APPL1: variants seen among roughly 807,000 people sequenced by gnomAD.
APPL1 encodes adaptor protein, phosphotyrosine interacting with PH domain and leucine zipper 1, also known as DCC-interacting protein 13-alpha.
In APPL1, 42 loss-of-function variants were observed where a neutral mutation model predicts 106.8. That is an observed-to-expected ratio of 0.39 (90% CI 0.31 to 0.51). The LOEUF (loss-of-function observed/expected upper bound fraction) is 0.51, where lower values mean the gene tolerates loss of function less well. Ranked by LOEUF, APPL1 falls within the 20% of genes least tolerant of loss-of-function variation. The pLI is 0.75. For synonymous variants in APPL1, 263 were observed against 281.8 expected (o/e 0.93, Z 0.67); for missense variants, 769 against 858.2 (o/e 0.90, Z 1.30).
Position 57,234,699 on chromosome 3 carries a change from A to G in APPL1, c.55-867A>G, listed in dbSNP as rs1433021173. On this transcript the variant is annotated intron_variant, in intron 1 of 21. Transcript: ENST00000288266. ...CAGAGTCTTGCTTTGTCGCCCGCCC[A>G]GGCTGAAGTGCAGTGGCGTGATCTC... Among the ~76,000 whole-genome samples, 3 of 151,948 alleles carry G rather than the reference A, an allele frequency of 2.0e-5. No homozygotes were observed. The East Asian group carries it at 5.8e-4, about 29-fold the overall frequency.
rs754924988 is a variant in APPL1 at position 57,272,506 on chromosome 3, T to G, written c.*2819T>G. ...GCATTTGAGTTAATTTTGCATTATATCTAGGAACCATATTATTTAAAATTT... is the reference window on the plus strand; with the variant it reads ...GCATTTGAGTTAATTTTGCATTATAGCTAGGAACCATATTATTTAAAATTT... On this transcript the variant is annotated 3_prime_UTR_variant, in exon 22 of 22. Transcript: ENST00000288266. The G allele has an allele frequency of 6.6e-6, 1 of 152,316 alleles. No individual in the cohort carries two copies. Among genetic ancestry groups the G allele is most frequent in the East Asian group, 1.9e-4 (1 of 5,186 alleles). The allele number at this position is 152,316 out of a possible 1,614,324, so 9.4% of individuals were successfully genotyped here. A position where few individuals can be genotyped will look rare whatever the true frequency, so the allele number is the denominator to read the frequency against.
At chr3:57,262,476 T>TC (rs1449109158) in intron 19 of APPL1, among the ~76,000 whole-genome samples, 2 of 97,956 alleles carry the variant, frequency 2.0e-5, no homozygotes, top group Non-Finnish European at 3.8e-5. Context: ...CACCGTAACC[T>TC]CCACCTCCTG....
rs1225401343 is a variant in APPL1 at position 57,273,093 on chromosome 3, C to A, written c.*3406C>A. The A allele has an allele frequency of 2.0e-5, 3 of 152,586 alleles. No individual in the cohort carries two copies. Among genetic ancestry groups the A allele is most frequent in the Non-Finnish European group, 4.4e-5 (3 of 68,032 alleles). The allele number at this position is 152,586 out of a possible 1,614,324, so 9.5% of individuals were successfully genotyped here. On this transcript the variant is annotated 3_prime_UTR_variant, in exon 22 of 22. Transcript: ENST00000288266. ...GATTTGAAACTGGAACTATATTATA[C>A]TTTTTAACCAATCTCTGTGGCTTCA...
chr3:57,244,673 T>G (rs1310960495), intron 7 of APPL1, among the ~76,000 whole-genome samples: 2 of 152,188 alleles, frequency 1.3e-5, no homozygotes, highest in Non-Finnish European at 2.9e-5. Flanking sequence ...ACCAGATTAC[T>G]ATATTAATGA....
Position 57,252,276 on chromosome 3 carries a change from A to G in APPL1, c.1060A>G (p.Ile354Val), listed in dbSNP as rs371514647. ...ITSFDGKKSSILQAESKKDHE... is the reference protein window; with the variant it reads ...ITSFDGKKSSVLQAESKKDHE... ...ACGTCTCTTCTCTTCCAGATCTTCAATTTTGCAAGCAGAGAGTAAAAAAGA... is the reference window on the plus strand; with the variant it reads ...ACGTCTCTTCTCTTCCAGATCTTCAGTTTTGCAAGCAGAGAGTAAAAAAGA... The change falls in exon 12 of 22, where the codon ATT becomes GTT. Residue 354 changes from isoleucine (I) to valine (V), a missense_variant. Physicochemically the swap from Ile to Val is conservative, Grantham distance 29. Coordinates refer to ENST00000288266, the MANE Select transcript of APPL1 (RefSeq NM_012096.3). 3.7e-5 allele frequency: 60 copies of G among 1,609,338 alleles called. No homozygotes were observed. Among genetic ancestry groups the G allele is most frequent in the African/African-American group, 4.0e-5 (3 of 74,752 alleles).
chr3:57,240,702 A>G lies in APPL1; in HGVS notation c.373+150A>G, dbSNP rs557584414. The G allele has an allele frequency of 1.3e-4, 86 of 642,926 alleles. No homozygotes were observed. The African/African-American group carries it at 1.5e-3, about 11-fold the overall frequency. The allele number at this position is 642,926 out of a possible 1,614,324, so 39.8% of individuals were successfully genotyped here. On this transcript the variant is annotated intron_variant, in intron 5 of 21. Transcript: ENST00000288266. Reference sequence around the variant, plus strand: ...CCAAACATTTATAGGAGCTCCTGCTAGATGTCAAACTAGATATTGAGAAAT... The same window carrying G: ...CCAAACATTTATAGGAGCTCCTGCTGGATGTCAAACTAGATATTGAGAAAT...
chr3:57,268,252 T>C, intron 20 of APPL1, 146 bp from the exon 21 acceptor site: 1 of 775,178 alleles, frequency 1.3e-6, no homozygotes. Context: ...GATAATTGTT[T>C]ACCATTGAAT....
At chr3:57,245,617 AC>A (rs1313808925) in intron 7 of APPL1, among the ~76,000 whole-genome samples, 1 of 150,410 alleles carries the variant, frequency 6.6e-6, no homozygotes, top group Non-Finnish European at 1.5e-5. Context: ...ATCTTGGCTC[AC>A]TGCAACCTCC....
At chr3:57,229,232 A>G (rs1400021333) in intron 1 of APPL1, among the ~76,000 whole-genome samples, 2 of 152,216 alleles carry the variant, frequency 1.3e-5, no homozygotes, top group African/African-American at 2.4e-5. Flanking sequence ...GATGATTTGC[A>G]AAAAGTTTGT....
chr3:57,263,157 A>G (rs922387829), intron 19 of APPL1, among the ~76,000 whole-genome samples: 10 of 152,262 alleles, frequency 6.6e-5, no homozygotes, highest in African/African-American at 2.2e-4. Flanking sequence ...AGCCAGGTGT[A>G]TATATTTATG....
chr3:57,240,356 C>A, intron 4 of APPL1, 109 bp from the exon 5 acceptor site: 1 of 800,060 alleles, frequency 1.2e-6, no homozygotes, highest in Non-Finnish European at 2.0e-6. Context: ...TAGTGTTTTC[C>A]TATATAAAAT....
At chr3:57,251,536 A>G (rs1033992065) in intron 11 of APPL1, among the ~76,000 whole-genome samples, 7 of 151,870 alleles carry the variant, frequency 4.6e-5, no homozygotes, top group African/African-American at 1.7e-4. Flanking sequence ...AAAAAAAAAA[A>G]AAAAAAAGAT....
At chr3:57,235,017 A>G (rs2060708983) in intron 1 of APPL1, among the ~76,000 whole-genome samples, 2 of 152,208 alleles carry the variant, frequency 1.3e-5, no homozygotes, top group South Asian at 4.1e-4. Flanking sequence ...CAAAAGCCAA[A>G]CAATATAGAC....
intron 9 of APPL1, 23 bp downstream of exon 9, chr3:57,247,500 TTGAAAA>T: frequency 1.4e-6 from 2 of 1,451,014 alleles, no homozygotes; most frequent in Non-Finnish European, 1.9e-6. Context: ...TTCCTTAAAA[TTGAAAA>T]TGAAATGATG....
chr3:57,252,287 A>T lies in APPL1; in HGVS notation c.1071A>T (p.Ala357=), dbSNP rs779120028. The change falls in exon 12 of 22, where the codon GCA becomes GCT. Residue 357 remains alanine, a synonymous_variant. Coordinates refer to ENST00000288266, the MANE Select transcript of APPL1 (RefSeq NM_012096.3). ...FDGKKSSILQ[A]ESKKDHEEWI... ...CTTCCAGATCTTCAATTTTGCAAGC[A>T]GAGAGTAAAAAAGATCATGAAGAGG... The T allele has an allele frequency of 6.2e-7, 1 of 1,609,282 alleles. No homozygotes were observed. The highest frequency in any genetic ancestry group is 1.1e-5 in the South Asian group (1 of 89,748).
rs914126693 is a variant in APPL1, at chr3:57,264,597, T to A, written c.1843-3145T>A. 4.6e-4 allele frequency among the ~76,000 whole-genome samples: 69 copies of A among 150,716 alleles called. 1 individual carries two copies. Among genetic ancestry groups the A allele is most frequent in the Middle Eastern group, 3.2e-3 (1 of 316 alleles). ...ATAAAAAAAATAAAAAAAAATTTTT[T>A]TAAAAAATATTTTTGTATATGGTGA... On this transcript the variant is annotated intron_variant, in intron 19 of 21. Transcript: ENST00000288266.
intron 19 of APPL1, 83 bp downstream of exon 19, chr3:57,260,857 AAATT>A: frequency 2.0e-6 from 1 of 488,322 alleles, no homozygotes; most frequent in East Asian, 1.2e-3. Context: ...AAATTCTTAC[AAATT>A]AAATTAGTTA....
intron 3 of APPL1, 40 bp from the exon 4 acceptor site, chr3:57,238,005 C>CA (rs765233158): frequency 6.9e-7 from 1 of 1,459,772 alleles, no homozygotes. Context: ...CCAAAAGACA[C>CA]AGCATTGAAA....
intron 16 of APPL1, among the ~76,000 whole-genome samples, chr3:57,259,480 T>G (rs982843180): frequency 6.6e-6 from 1 of 150,814 alleles, no homozygotes; most frequent in Non-Finnish European, 1.5e-5. Context: ...GTGTGTGTGT[T>G]GAGACAGGGC....
Sources: gnomAD v4.1 joint callset for allele counts (sites outside exome capture counted in the v4.1 genomes callset) on GRCh38, gnomAD v4.1.1 for gene constraint, MANE v1.5 for transcripts, NCBI Gene and HGNC (gene_info 2026-07-23, HGNC 2026-07-21) for gene names.